Variants in LRBA observed in about 807,000 individuals in gnomAD.
LRBA encodes lipopolysaccharide-responsive and beige-like anchor protein.
A neutral mutation model predicts 330.0 loss-of-function variants in LRBA; 176 were observed. The observed-to-expected ratio is 0.53, with a 90% CI of 0.47 to 0.60. The LOEUF (loss-of-function observed/expected upper bound fraction) is 0.60, where lower values mean the gene tolerates loss of function less well. Among genes scored for constraint, LRBA ranks in the 20% least tolerant of loss-of-function variants. The pLI is 0.00. For missense variants in LRBA, 3,259 were observed against 3,444.8 expected (o/e 0.95, Z 1.35); for synonymous variants, 1,230 against 1,193.0 (o/e 1.03, Z -0.64).
chr4:150,665,352 T>A (rs1781471000), intron 37 of LRBA, among the ~76,000 whole-genome samples: 1 of 152,178 alleles, frequency 6.6e-6, no homozygotes, highest in African/African-American at 2.4e-5. Context: ...GAGCCACTCA[T>A]CATTTATGTA....
intron 2 of LRBA, among the ~76,000 whole-genome samples, chr4:151,009,799 T>C (rs1312902559): frequency 6.6e-6 from 1 of 151,570 alleles, no homozygotes; most frequent in Non-Finnish European, 1.5e-5. Context: ...GCTAACACGG[T>C]TAAACCCTGT....
At chr4:150,687,344 G>C (rs1783715051) in intron 36 of LRBA, among the ~76,000 whole-genome samples, 1 of 152,010 alleles carries the variant, frequency 6.6e-6, no homozygotes. Context: ...TTTGGAGGTT[G>C]AGTGGAGGTA....
At chr4:150,626,463 C>G (rs1206819537) in intron 37 of LRBA, among the ~76,000 whole-genome samples, 1 of 151,928 alleles carries the variant, frequency 6.6e-6, no homozygotes, top group Non-Finnish European at 1.5e-5. Flanking sequence ...CTATGAAATC[C>G]TATCCTTCAC....
At position 150,925,685 on chromosome 4, in the gene LRBA, G is replaced by A. The variant is rs563364161; in HGVS notation, c.549+2831C>T. On this transcript the variant is annotated intron_variant, in intron 4 of 56. Coordinates refer to ENST00000651943, the MANE Select transcript of LRBA (RefSeq NM_001364905.1). ...AATGATTTTGTGTTCATTTGGTTGT[G>A]GGGTTTCTACCTCTGTAAATAAATA... Among the ~76,000 whole-genome samples the A allele has an allele frequency of 6.6e-5, 10 of 152,104 alleles. No homozygotes were observed. In the South Asian group the frequency reaches 2.1e-3, roughly 32 times the overall value.
At chr4:150,982,025 G>A (rs1740907281) in intron 2 of LRBA, among the ~76,000 whole-genome samples, 1 of 150,380 alleles carries the variant, frequency 6.6e-6, no homozygotes, top group African/African-American at 2.4e-5. Context: ...CTGTTTCTTA[G>A]TTGTACAAAA....
At chr4:150,544,371 A>T (rs1301547906) in intron 40 of LRBA, among the ~76,000 whole-genome samples, 1 of 151,994 alleles carries the variant, frequency 6.6e-6, no homozygotes, top group Non-Finnish European at 1.5e-5. Flanking sequence ...CCAGTGATAC[A>T]CCCACCTTGG....
chr4:150,394,619 G>A (rs1389840661), intron 47 of LRBA, among the ~76,000 whole-genome samples: 5 of 152,102 alleles, frequency 3.3e-5, no homozygotes, highest in Admixed American at 6.6e-5. Flanking sequence ...TGGCAGGCAT[G>A]GCTATTGTCT....
chr4:150,997,238 C>T lies in LRBA; in HGVS notation c.216+17189G>A, dbSNP rs192979558. Reference sequence around the variant, plus strand: ...ATGTTATGCTAAATGTAGAACTTGGCTAAATTGAAAATTTTCTGAAATACT... The same window carrying T: ...ATGTTATGCTAAATGTAGAACTTGGTTAAATTGAAAATTTTCTGAAATACT... On this transcript the variant is annotated intron_variant, in intron 2 of 56. Coordinates refer to ENST00000651943, the MANE Select transcript of LRBA (RefSeq NM_001364905.1). Among the ~76,000 whole-genome samples the T allele has an allele frequency of 3.3e-5, 5 of 152,198 alleles. No homozygotes were observed. The East Asian group carries it at 5.8e-4, about 18-fold the overall frequency.
At chr4:150,778,528 G>A (rs1203192945) in intron 34 of LRBA, among the ~76,000 whole-genome samples, 2 of 152,082 alleles carry the variant, frequency 1.3e-5, no homozygotes, top group African/African-American at 4.8e-5. Context: ...CTAAAAATCT[G>A]TATTTACAGT....
chr4:150,880,802 G>A (rs539173531), intron 17 of LRBA, among the ~76,000 whole-genome samples: 12 of 152,192 alleles, frequency 7.9e-5, no homozygotes, highest in African/African-American at 2.9e-4. Flanking sequence ...TTTGACAAAG[G>A]TCTAATATCC....
At chr4:150,622,349 G>A (rs546332489) in intron 37 of LRBA, among the ~76,000 whole-genome samples, 2 of 152,250 alleles carry the variant, frequency 1.3e-5, no homozygotes, top group South Asian at 4.2e-4. Flanking sequence ...GACCAGTCTA[G>A]GCAATATATC....
chr4:150,544,471 G>A (rs756350501), intron 40 of LRBA, among the ~76,000 whole-genome samples: 7 of 151,968 alleles, frequency 4.6e-5, no homozygotes, highest in African/African-American at 1.5e-4. Context: ...TACAATAACC[G>A]CTCATCTTTC....
At chr4:150,614,767 T>C (rs377357029) in intron 37 of LRBA, among the ~76,000 whole-genome samples, 2 of 152,208 alleles carry the variant, frequency 1.3e-5, no homozygotes, top group Non-Finnish European at 2.9e-5. Flanking sequence ...AGGACATACA[T>C]GTAATCTACT....
chr4:150,708,440 C>T (rs996260482), intron 36 of LRBA, among the ~76,000 whole-genome samples: 3 of 151,730 alleles, frequency 2.0e-5, no homozygotes, highest in Non-Finnish European at 4.4e-5. Flanking sequence ...AATATATGGT[C>T]TACAGTTATG....
intron 47 of LRBA, among the ~76,000 whole-genome samples, chr4:150,408,593 C>A (rs988979297): frequency 1.4e-4 from 22 of 152,080 alleles, no homozygotes; most frequent in African/African-American, 5.3e-4. Flanking sequence ...CACAAAAAAA[C>A]TGCAAACTAA....
intron 35 of LRBA, among the ~76,000 whole-genome samples, chr4:150,757,783 G>A (rs576099708): frequency 3.3e-5 from 5 of 152,118 alleles, no homozygotes; most frequent in African/African-American, 1.2e-4. Context: ...AAGAGAGAAC[G>A]AAAATTTCCA....
intron 34 of LRBA, among the ~76,000 whole-genome samples, chr4:150,770,083 G>A (rs557008704): frequency 2.0e-5 from 3 of 152,282 alleles, no homozygotes; most frequent in East Asian, 1.9e-4. Flanking sequence ...TCAATCACCC[G>A]ATTTGTTGAG....
intron 42 of LRBA, among the ~76,000 whole-genome samples, chr4:150,478,468 C>T (rs1288184343): frequency 6.6e-6 from 1 of 152,134 alleles, no homozygotes; most frequent in Non-Finnish European, 1.5e-5. Flanking sequence ...GAATATCTCC[C>T]CTTGTCATCA....
chr4:150,338,675 A>T (rs1458144643), intron 48 of LRBA, among the ~76,000 whole-genome samples: 1 of 152,006 alleles, frequency 6.6e-6, no homozygotes, highest in Admixed American at 6.6e-5. Flanking sequence ...ATTTTTTTTT[A>T]AAGGATTTGT....
Sources: allele counts gnomAD v4.1 joint callset (sites outside exome capture counted in the v4.1 genomes callset), GRCh38; gene constraint gnomAD v4.1.1; transcripts MANE v1.5; gene names NCBI Gene and HGNC (gene_info 2026-07-23, HGNC 2026-07-21).